Variants in CPM observed in about 807,000 individuals in gnomAD.
CPM encodes the protein renal carboxypeptidase.
CPM carries 35 observed loss-of-function variants against 46.4 expected under a neutral mutation model. The ratio of observed to expected loss-of-function variants is 0.75; its 90% confidence interval spans 0.58 to 1.00. CPM has a LOEUF of 1.00. CPM is among the 50% of genes least tolerant of loss of function. The pLI, the probability that CPM is intolerant of heterozygous loss-of-function variation, is 0.00. For missense variants in CPM, 422 were observed against 530.4 expected (o/e 0.80, Z 2.01); for synonymous variants, 195 against 195.3 (o/e 1.00, Z 0.01).
At chr12:68,960,411 G>GTAAC (rs1310796455) in intron 1 of CPM, among the ~76,000 whole-genome samples, 1 of 152,236 alleles carries the variant, frequency 6.6e-6, no homozygotes, top group South Asian at 2.1e-4. Context: ...AAACGTGGAT[G>GTAAC]TAACTATTGA....
At chr12:68,896,293 TAA>T (rs1886874201) in intron 2 of CPM, among the ~76,000 whole-genome samples, 1 of 152,168 alleles carries the variant, frequency 6.6e-6, no homozygotes, top group African/African-American at 2.4e-5. Flanking sequence ...CCTACCACCC[TAA>T]GTTAGATGCT....
intron 1 of CPM, among the ~76,000 whole-genome samples, chr12:68,958,845 A>G (rs914006625): frequency 8.5e-5 from 13 of 152,218 alleles, no homozygotes; most frequent in East Asian, 5.8e-4. Context: ...TGGTAACACT[A>G]TGTTATAGCC....
intron 2 of CPM, among the ~76,000 whole-genome samples, chr12:68,895,158 ATCT>A (rs1886819043): frequency 6.6e-6 from 1 of 151,820 alleles, no homozygotes. Flanking sequence ...GGCCCAGGTC[ATCT>A]TCTTAGTAAA....
chr12:68,898,001 G>A (rs1049530887), intron 2 of CPM, among the ~76,000 whole-genome samples: 4 of 151,170 alleles, frequency 2.6e-5, no homozygotes, highest in African/African-American at 7.3e-5. Context: ...GGACCACTAC[G>A]CCTGGCTAAT....
chr12:68,960,201 G>C (rs1003344117), intron 1 of CPM, among the ~76,000 whole-genome samples: 3 of 152,142 alleles, frequency 2.0e-5, no homozygotes, highest in African/African-American at 7.2e-5. Context: ...TTTGGCTCAG[G>C]ATGGAAACAT....
chr12:68,842,367 G>C (rs1284714063), intron 5 of CPM: 9 of 494,860 alleles, frequency 1.8e-5, no homozygotes, highest in Non-Finnish European at 3.2e-5. Context: ...ACAGGATGCA[G>C]ACATGGCAGA....
At chr12:68,939,622 G>T (rs17813197) in intron 1 of CPM, among the ~76,000 whole-genome samples, 20,898 of 151,894 alleles carry the variant, frequency 0.14, 1,744 homozygotes, top group Middle Eastern at 0.19. Flanking sequence ...TGTAAAATGT[G>T]CAAATCTGTA....
Position 68,866,922 on chromosome 12 carries a change from A to G in CPM, c.914T>C (p.Ile305Thr). 6.2e-7 allele frequency: 1 copy of G among 1,613,932 alleles called. No individual in the cohort carries two copies. Among genetic ancestry groups the G allele is most frequent in the African/African-American group, 1.3e-5 (1 of 75,056 alleles). ...TAGGTGCACCTGCTTTATATATTCA[A>G]TTAATGAGGCTTTGTTATTATTCCA... ...SFWNNNKASL[I>T]EYIKQVHLGV... The change falls in exon 7 of 9, where the codon ATT (isoleucine) becomes ACT (threonine). Residue 305 changes from isoleucine to threonine, a missense_variant. Physicochemically the swap from Ile to Thr is moderately conservative, Grantham distance 89. Transcript: ENST00000551568.
At chr12:68,868,285 C>T (rs1885543691) in intron 6 of CPM, among the ~76,000 whole-genome samples, 1 of 152,094 alleles carries the variant, frequency 6.6e-6, no homozygotes, top group African/African-American at 2.4e-5. Context: ...GGACCTGTTG[C>T]CTATCAGTTG....
intron 3 of CPM, among the ~76,000 whole-genome samples, chr12:68,878,384 C>T (rs1886047359): frequency 1.3e-5 from 2 of 152,192 alleles, no homozygotes; most frequent in African/African-American, 4.8e-5. Flanking sequence ...TCCAAGCCTC[C>T]CCAATTGCTC....
chr12:68,906,130 C>T (rs35918554), intron 2 of CPM, among the ~76,000 whole-genome samples: 6,316 of 152,264 alleles, frequency 0.041, 168 homozygotes, highest in Non-Finnish European at 0.062. Context: ...TCAAGTCATT[C>T]TTTTGCTCTA....
chr12:68,962,010 C>T (rs901824108), intron 1 of CPM, among the ~76,000 whole-genome samples: 13 of 152,008 alleles, frequency 8.6e-5, no homozygotes, highest in South Asian at 2.1e-4. Context: ...ACCATCCTGG[C>T]TAACGCGGTG....
chr12:68,942,781 T>G (rs1178364665), intron 1 of CPM, among the ~76,000 whole-genome samples: 13 of 152,234 alleles, frequency 8.5e-5, no homozygotes, highest in Admixed American at 8.5e-4. Flanking sequence ...TATCCCCTAG[T>G]GGTTTGTACC....
At chr12:68,954,974 G>A (rs1270564654) in intron 1 of CPM, among the ~76,000 whole-genome samples, 1 of 152,202 alleles carries the variant, frequency 6.6e-6, no homozygotes, top group Non-Finnish European at 1.5e-5. Context: ...CTGGTGCCTG[G>A]AGCTGCCTGC....
intron 2 of CPM, among the ~76,000 whole-genome samples, chr12:68,904,809 A>G (rs1270255590): frequency 6.6e-6 from 1 of 152,252 alleles, no homozygotes; most frequent in East Asian, 1.9e-4. Flanking sequence ...GGATCCTCAT[A>G]GTGATTCAGT....
chr12:68,904,410 T>A (rs974467161), intron 2 of CPM, among the ~76,000 whole-genome samples: 1 of 152,320 alleles, frequency 6.6e-6, no homozygotes, highest in Middle Eastern at 3.4e-3. Flanking sequence ...ATAATGTGCA[T>A]CTATTTACCT....
chr12:68,944,717 GTT>G (rs58846868), intron 1 of CPM, among the ~76,000 whole-genome samples: 2 of 148,526 alleles, frequency 1.3e-5, no homozygotes, highest in East Asian at 2.0e-4. Flanking sequence ...CTTGTTTTTT[GTT>G]TTTTTTTTTT....
chr12:68,871,689 C>A, intron 4 of CPM, 95 bp downstream of exon 4: 1 of 1,348,028 alleles, frequency 7.4e-7, no homozygotes, highest in Non-Finnish European at 1.0e-6. Context: ...GGGCTCTCAC[C>A]ATGACACATC....
intron 2 of CPM, among the ~76,000 whole-genome samples, chr12:68,907,809 G>A (rs1416848924): frequency 6.8e-6 from 1 of 146,360 alleles, no homozygotes; most frequent in Non-Finnish European, 1.5e-5. Context: ...TTAATCCAGG[G>A]CTGGGTTGGT....
Sources: allele counts gnomAD v4.1 joint callset (sites outside exome capture counted in the v4.1 genomes callset), GRCh38; gene constraint gnomAD v4.1.1; transcripts MANE v1.5; gene names NCBI Gene and HGNC (gene_info 2026-07-23, HGNC 2026-07-21).